The following NKAIN2 variants were observed in gnomAD, a reference collection of about 807,000 sequenced individuals.
NKAIN2 encodes the protein sodium/potassium-transporting ATPase subunit beta-1-interacting protein 2.
In NKAIN2, 14 loss-of-function variants were observed where a neutral mutation model predicts 32.6. The observed-to-expected ratio is 0.43, with a 90% confidence interval of 0.28 to 0.67. NKAIN2 has a LOEUF of 0.67. NKAIN2 is among the 30% of genes least tolerant of loss of function. The pLI, the probability that NKAIN2 is intolerant of heterozygous loss-of-function variation, is 0.17. For synonymous variants in NKAIN2, 80 were observed against 87.2 expected (o/e 0.92, Z 0.46); for missense variants, 198 against 258.3 (o/e 0.77, Z 1.60).
At chr6:124,485,218 C>T (rs1777607192) in intron 3 of NKAIN2, among the ~76,000 whole-genome samples, 1 of 152,152 alleles carries the variant, frequency 6.6e-6, no homozygotes, top group Non-Finnish European at 1.5e-5. Context: ...AGTTCTCAGG[C>T]TCCACCTGTC....
At chr6:124,217,128 C>T (rs1791518879) in intron 1 of NKAIN2, among the ~76,000 whole-genome samples, 1 of 151,870 alleles carries the variant, frequency 6.6e-6, no homozygotes, top group Admixed American at 6.6e-5. Flanking sequence ...AAATTAATAT[C>T]CTAAAGTATA....
intron 1 of NKAIN2, among the ~76,000 whole-genome samples, chr6:123,911,061 CCT>C (rs1775153573): frequency 6.6e-6 from 1 of 151,994 alleles, no homozygotes; most frequent in Non-Finnish European, 1.5e-5. Context: ...CAGACTTTTA[CCT>C]AGGTTGCTAT....
chr6:124,150,388 G>A (rs1040927), intron 1 of NKAIN2, among the ~76,000 whole-genome samples: 135,771 of 152,170 alleles, frequency 0.89, 60,621 homozygotes, highest in South Asian at 0.95. Context: ...AAGAACTGCT[G>A]AAAAACAATA....
intron 1 of NKAIN2, among the ~76,000 whole-genome samples, chr6:124,208,610 G>A (rs1301568721): frequency 6.6e-6 from 1 of 151,172 alleles, no homozygotes; most frequent in Non-Finnish European, 1.5e-5. Flanking sequence ...CTTAGGCTAT[G>A]TTATGCTGTA....
intron 3 of NKAIN2, among the ~76,000 whole-genome samples, chr6:124,383,799 C>A (rs1157717084): frequency 3.3e-5 from 5 of 152,068 alleles, no homozygotes; most frequent in Admixed American, 1.3e-4. Flanking sequence ...GGCTTTAAAC[C>A]TTTGTTTTCA....
chr6:123,889,024 A>G (rs187077336), intron 1 of NKAIN2, among the ~76,000 whole-genome samples: 1 of 152,194 alleles, frequency 6.6e-6, no homozygotes, highest in Admixed American at 6.6e-5. Flanking sequence ...AGAACAATCT[A>G]CTGAATGGCA....
At chr6:124,309,299 G>GT (rs770284177) in intron 2 of NKAIN2, among the ~76,000 whole-genome samples, 4 of 152,100 alleles carry the variant, frequency 2.6e-5, no homozygotes, top group East Asian at 1.9e-4. Context: ...ATTATTTGAT[G>GT]TTTTTTCAGT....
intron 3 of NKAIN2, among the ~76,000 whole-genome samples, chr6:124,562,846 G>A (rs1007168960): frequency 2.0e-4 from 31 of 151,416 alleles, no homozygotes; most frequent in South Asian, 1.0e-3. Context: ...GGAAAATGCC[G>A]CTGTATACTC....
intron 1 of NKAIN2, among the ~76,000 whole-genome samples, chr6:124,187,718 T>C (rs1789815184): frequency 6.6e-6 from 1 of 152,186 alleles, no homozygotes; most frequent in Admixed American, 6.5e-5. Flanking sequence ...AGTACATGCA[T>C]TGGAAGTCAC....
At position 124,566,685 on chromosome 6, in the gene NKAIN2, T is replaced by TTC. The variant is rs398094565; in HGVS notation, c.274-91501_274-91500insTC. On this transcript the variant is annotated intron_variant, in intron 3 of 6. Transcript: ENST00000368417. ...AGTTAAGCAAAGTTTCATAAGACTC[T>TTC]ACTGTGGACTTCTTAATTTTAATAT... Among the ~76,000 whole-genome samples, 3 of 87,466 alleles carry TTC rather than the reference T, an allele frequency of 3.4e-5. No individual in the cohort carries two copies. The East Asian group carries it at 1.7e-3, about 49-fold the overall frequency. The allele number at this position is 87,466 out of a possible 152,430, so 57.4% of individuals were successfully genotyped here.
At chr6:123,976,452 A>G (rs1433874716) in intron 1 of NKAIN2, among the ~76,000 whole-genome samples, 1 of 134,312 alleles carries the variant, frequency 7.4e-6, no homozygotes, top group East Asian at 2.3e-4. Context: ...GTACTGGCTC[A>G]TGTGATTGTG....
chr6:124,398,071 G>T (rs1283921721), intron 3 of NKAIN2, among the ~76,000 whole-genome samples: 1 of 151,452 alleles, frequency 6.6e-6, no homozygotes, highest in Non-Finnish European at 1.5e-5. Flanking sequence ...CGCTAACACG[G>T]TGAAACCCCA....
At chr6:123,963,174 A>G (rs1286274377) in intron 1 of NKAIN2, among the ~76,000 whole-genome samples, 1 of 152,182 alleles carries the variant, frequency 6.6e-6, no homozygotes, top group East Asian at 1.9e-4. Flanking sequence ...TAGCAGACTG[A>G]GCAGATTGCT....
chr6:124,076,090 G>C (rs766794802), intron 1 of NKAIN2, among the ~76,000 whole-genome samples: 12 of 152,164 alleles, frequency 7.9e-5, no homozygotes, highest in Admixed American at 2.0e-4. Context: ...TGGTCTCTCT[G>C]TAAGTCCCAG....
chr6:124,610,450 T>A (rs534181534), intron 3 of NKAIN2, among the ~76,000 whole-genome samples: 1 of 152,226 alleles, frequency 6.6e-6, no homozygotes, highest in East Asian at 1.9e-4. Flanking sequence ...TTTGACTTAA[T>A]ATTTGTCATA....
intron 1 of NKAIN2, among the ~76,000 whole-genome samples, chr6:123,914,285 CAGAG>C (rs960111983): frequency 2.7e-5 from 4 of 149,964 alleles, no homozygotes; most frequent in African/African-American, 7.4e-5. Flanking sequence ...CAGAGACAGT[CAGAG>C]AGAGGGAGAG....
intron 1 of NKAIN2, among the ~76,000 whole-genome samples, chr6:123,963,287 G>A (rs1009434656): frequency 1.7e-4 from 26 of 152,106 alleles, no homozygotes; most frequent in Non-Finnish European, 3.7e-4. Flanking sequence ...GTGAACTAGA[G>A]AACAAAAGAT....
intron 1 of NKAIN2, among the ~76,000 whole-genome samples, chr6:124,225,928 T>A (rs1207186435): frequency 6.6e-6 from 1 of 152,052 alleles, no homozygotes; most frequent in Non-Finnish European, 1.5e-5. Flanking sequence ...CTTTGTACAC[T>A]GGTCATTTTT....
chr6:123,905,494 G>T (rs1454473336), intron 1 of NKAIN2, among the ~76,000 whole-genome samples: 1 of 151,990 alleles, frequency 6.6e-6, no homozygotes, highest in Non-Finnish European at 1.5e-5. Context: ...TATATTCCCA[G>T]CCTGTTTACT....
Sources: gnomAD v4.1 joint callset for allele counts (sites outside exome capture counted in the v4.1 genomes callset) on GRCh38, gnomAD v4.1.1 for gene constraint, MANE v1.5 for transcripts, NCBI Gene and HGNC (gene_info 2026-07-23, HGNC 2026-07-21) for gene names.